Variants in ACO2 observed in about 807,000 individuals in gnomAD.
The protein encoded by ACO2 is aconitase 2, also known as aconitate hydratase, mitochondrial.
Under a neutral mutation model 84.5 loss-of-function variants are expected in ACO2, and 31 were observed. That is an observed-to-expected ratio of 0.37 (90% CI 0.28 to 0.50). ACO2 has a LOEUF of 0.50. ACO2 is among the 20% of genes least tolerant of loss of function. The pLI, the probability that ACO2 is intolerant of heterozygous loss-of-function variation, is 0.97. For synonymous variants in ACO2, 414 were observed against 412.7 expected (o/e 1.00, Z -0.04); for missense variants, 685 against 1,029.3 (o/e 0.67, Z 4.58).
intron 1 of ACO2, among the ~76,000 whole-genome samples, chr22:41,492,158 G>A (rs2066276191): frequency 6.6e-6 from 1 of 152,172 alleles, no homozygotes. Flanking sequence ...GAAAGTGCTT[G>A]GCATGGAACA....
intron 1 of ACO2, among the ~76,000 whole-genome samples, chr22:41,491,699 AAC>A (rs921079694): frequency 6.6e-6 from 1 of 152,248 alleles, no homozygotes; most frequent in African/African-American, 2.4e-5. Flanking sequence ...AATATAGTAT[AAC>A]ACATGTGGAG....
At chr22:41,508,572 T>C (rs903252779) in intron 3 of ACO2, among the ~76,000 whole-genome samples, 2 of 152,224 alleles carry the variant, frequency 1.3e-5, no homozygotes, top group African/African-American at 4.8e-5. Flanking sequence ...TGATCCTGGC[T>C]CCCACTCTGG....
intron 14 of ACO2, 129 bp from the exon 15 acceptor site, chr22:41,526,133 A>C (rs2066589563): frequency 2.7e-6 from 2 of 746,958 alleles, no homozygotes. Context: ...GTGTCTGAAG[A>C]CTTGCCTGCC....
chr22:41,515,337 C>T lies in ACO2; in HGVS notation c.526-40C>T. Reference sequence around the variant, plus strand: ...TGGGGCCATTTTTTGGTATTCTCGGCTGAGGGCTTCTAAATATAACATCTT... The same window carrying T: ...TGGGGCCATTTTTTGGTATTCTCGGTTGAGGGCTTCTAAATATAACATCTT... On this transcript the variant is annotated intron_variant, in intron 4 of 17. Coordinates refer to ENST00000216254, the MANE Select transcript of ACO2 (RefSeq NM_001098.3). This position sits in a 1 kb window ranked among gnomAD's most constrained non-coding sequence, Gnocchi z 5.8. 5 of 1,611,478 alleles carry T rather than the reference C, an allele frequency of 3.1e-6. No individual in the cohort carries two copies. The highest frequency in any genetic ancestry group is 4.2e-6 in the Non-Finnish European group (5 of 1,179,550).
At chr22:41,520,401 TA>T in intron 9 of ACO2, 125 bp downstream of exon 9, 2 of 691,920 alleles carry the variant, frequency 2.9e-6, no homozygotes, top group South Asian at 5.6e-5. Flanking sequence ...GAAATGGGTT[TA>T]TTATTGAAAA....
intron 8 of ACO2, among the ~76,000 whole-genome samples, chr22:41,519,505 T>C (rs554725629): frequency 3.0e-4 from 45 of 152,246 alleles, no homozygotes; most frequent in African/African-American, 1.0e-3. Context: ...AAGTCCATTT[T>C]TGTCATGATT....
At chr22:41,526,987 C>A in intron 15 of ACO2, 2 of 484,616 alleles carry the variant, frequency 4.1e-6, no homozygotes, top group South Asian at 2.5e-5. Flanking sequence ...GGAGGCCGTC[C>A]CTGTCTCACC....
chr22:41,506,077 G>GTTTT (rs144210087), intron 2 of ACO2, among the ~76,000 whole-genome samples: 3 of 147,144 alleles, frequency 2.0e-5, no homozygotes, highest in African/African-American at 7.5e-5. Context: ...GGGCTTTTTT[G>GTTTT]TTTTTTTTTT....
intron 3 of ACO2, among the ~76,000 whole-genome samples, chr22:41,510,750 G>T (rs994276481): frequency 1.3e-5 from 2 of 152,200 alleles, no homozygotes; most frequent in East Asian, 3.8e-4. Flanking sequence ...CATCTGCTGT[G>T]CAGTGGGCCC....
intron 4 of ACO2, among the ~76,000 whole-genome samples, chr22:41,512,769 G>A (rs1333883162): frequency 6.6e-6 from 1 of 152,206 alleles, no homozygotes; most frequent in Non-Finnish European, 1.5e-5. Flanking sequence ...GTCTCTGGAA[G>A]TGCAAGTGTG....
At chr22:41,487,795 C>G (rs1397519325) in intron 1 of ACO2, among the ~76,000 whole-genome samples, 1 of 151,992 alleles carries the variant, frequency 6.6e-6, no homozygotes, top group Non-Finnish European at 1.5e-5. Flanking sequence ...GTCCAATGTC[C>G]AGAACCAAAC....
Position 41,500,388 on chromosome 22 carries a change from A to AAT in ACO2, c.173+537_173+538dup, listed in dbSNP as rs917091693. 6.0e-4 allele frequency among the ~76,000 whole-genome samples: 89 copies of AAT among 147,756 alleles called. 1 individual carries two copies. The highest frequency in any genetic ancestry group is 7.2e-3 in the Middle Eastern group (2 of 278). On this transcript the variant is annotated intron_variant, in intron 2 of 17. Coordinates refer to ENST00000216254, the MANE Select transcript of ACO2 (RefSeq NM_001098.3). Reference sequence around the variant, plus strand: ...TATATATAAAATAAAAATATATATAAATATATATATATTTGAGGCATAGTC... The same window carrying AAT: ...TATATATAAAATAAAAATATATATAAATATATATATATATTTGAGGCATAGTC...
intron 1 of ACO2, among the ~76,000 whole-genome samples, chr22:41,477,127 A>AT (rs2038025198): frequency 6.9e-6 from 1 of 145,006 alleles, no homozygotes; most frequent in South Asian, 2.1e-4. Context: ...AATGGTTTCC[A>AT]TATTATTTAT....
intron 14 of ACO2, 124 bp from the exon 15 acceptor site, chr22:41,526,138 C>A: frequency 1.3e-6 from 1 of 788,734 alleles, no homozygotes; most frequent in Non-Finnish European, 2.0e-6. Context: ...TGAAGACTTG[C>A]CTGCCTCTCA....
At chr22:41,512,548 G>T (rs995341901) in intron 4 of ACO2, among the ~76,000 whole-genome samples, 1 of 152,108 alleles carries the variant, frequency 6.6e-6, no homozygotes, top group East Asian at 1.9e-4. Context: ...GGTCTGGAGC[G>T]AGTGCCCCAT....
intron 9 of ACO2, chr22:41,521,261 T>TG (rs1428868989): frequency 6.6e-6 from 1 of 152,244 alleles, no homozygotes; most frequent in Non-Finnish European, 1.5e-5. Flanking sequence ...ATATCACCCA[T>TG]GCTGCTTTAT....
At chr22:41,474,592 CTTTTTTTTTTTTT>C (rs34289556) in intron 1 of ACO2, among the ~76,000 whole-genome samples, 4 of 29,658 alleles carry the variant, frequency 1.3e-4, no homozygotes, top group African/African-American at 4.4e-4. Flanking sequence ...TGCGCCTAGC[CTTTTTTTTTTTTT>C]TTTTTTTTTT....
At chr22:41,470,528 C>CTTTTTTTTTTT (rs71184811) in intron 1 of ACO2, among the ~76,000 whole-genome samples, 11 of 95,850 alleles carry the variant, frequency 1.1e-4, no homozygotes, top group Admixed American at 2.7e-4. Context: ...CTCTTTACAT[C>CTTTTTTTTTTT]TTTTTTTTTT....
At position 41,528,731 on chromosome 22, in the gene ACO2, C is replaced by T; in HGVS notation, c.*118C>T. The T allele has an allele frequency of 2.1e-6, 3 of 1,402,174 alleles. No homozygotes were observed. Among genetic ancestry groups the T allele is most frequent in the Non-Finnish European group, 2.9e-6 (3 of 1,050,786 alleles). 86.9% of individuals were successfully genotyped at this position (1,402,174 alleles called of 1,614,324 possible). A position where few individuals can be genotyped will look rare whatever the true frequency, so the allele number is the denominator to read the frequency against. ...CAAGATGGTGTGACCAGACATGCTT[C>T]CTGCTCCCCGCTTAGCCCACGGAGT... On this transcript the variant is annotated 3_prime_UTR_variant, in exon 18 of 18. Transcript: ENST00000216254.
Sources: allele counts gnomAD v4.1 joint callset (sites outside exome capture counted in the v4.1 genomes callset), GRCh38; gene constraint gnomAD v4.1.1; non-coding constraint Gnocchi (gnomAD v3.1); transcripts MANE v1.5; gene names NCBI Gene and HGNC (gene_info 2026-07-23, HGNC 2026-07-21).